The following RBMXL1 variants were observed in gnomAD, a reference collection of about 807,000 sequenced individuals.
RBMXL1 encodes the protein RBMX like 1.
In RBMXL1, 18 loss-of-function variants were observed where a neutral mutation model predicts 29.0. The ratio of observed to expected loss-of-function variants is 0.62; its 90% CI spans 0.43 to 0.92. The LOEUF is 0.92. RBMXL1 is among the 40% of genes least tolerant of loss of function. RBMXL1 has a pLI of 0.00. For missense variants in RBMXL1, 403 were observed against 495.8 expected, an observed-to-expected ratio of 0.81 and a Z score of 1.78; for synonymous variants, 141 against 170.4, an observed-to-expected ratio of 0.83 and a Z score of 1.34.
At chr1:88,990,375 C>A (rs2101105909) in intron 1 of RBMXL1, among the ~76,000 whole-genome samples, 2 of 152,334 alleles carry the variant, frequency 1.3e-5, no homozygotes, top group South Asian at 4.1e-4. Flanking sequence ...ATCTACGCTC[C>A]TCAACCCAGT....
Position 88,981,191 on chromosome 1 carries a change from G to A in RBMXL1, c.*1463C>T, listed in dbSNP as rs1432402597. Reference sequence around the variant, plus strand: ...GTGTGTTTGCCATCTTAGCATGGTTGTTACTTTCCAGATGTCACTCATAAG... The same window carrying A: ...GTGTGTTTGCCATCTTAGCATGGTTATTACTTTCCAGATGTCACTCATAAG... On this transcript the variant is annotated 3_prime_UTR_variant, in exon 3 of 3. Coordinates refer to ENST00000652648, the MANE Select transcript of RBMXL1 (RefSeq NM_001162536.3). 6.6e-6 allele frequency: 1 copy of A among 152,166 alleles called. No individual in the cohort carries two copies. The highest frequency in any genetic ancestry group is 1.9e-4 in the East Asian group (1 of 5,206). 9.4% of individuals were successfully genotyped at this position (152,166 alleles called of 1,614,324 possible).
At chr1:88,987,760 A>G (rs1200745837) in intron 2 of RBMXL1, among the ~76,000 whole-genome samples, 2 of 152,206 alleles carry the variant, frequency 1.3e-5, no homozygotes, top group Non-Finnish European at 1.5e-5. Context: ...CTGCAATTTC[A>G]TTACCACACC....
Position 88,983,273 on chromosome 1 carries a change from C to A in RBMXL1, c.554G>T (p.Arg185Leu), listed in dbSNP as rs753907563. The A allele has an allele frequency of 2.5e-6, 4 of 1,613,666 alleles. No individual in the cohort carries two copies. The Admixed American group carries it at 6.7e-5, about 27-fold the overall frequency. ...TGGACCTCCATAACTATCTCTTCCACGTGATAGAGGAGCTCTTCCTCCCAT... is the reference window on the plus strand; with the variant it reads ...TGGACCTCCATAACTATCTCTTCCAAGTGATAGAGGAGCTCTTCCTCCCAT... ...SGMGGRAPLS[R>L]GRDSYGGPPR... Residue 185 changes from arginine (R) to leucine (L), a missense_variant, in exon 3 of 3, where the codon CGT (arginine) becomes CTT (leucine). Transcript: ENST00000652648.
intron 2 of RBMXL1, among the ~76,000 whole-genome samples, chr1:88,986,091 G>C (rs964316254): frequency 1.3e-5 from 2 of 151,826 alleles, no homozygotes; most frequent in Non-Finnish European, 2.9e-5. Context: ...TGAGGCAGGA[G>C]AATTGCTTGA....
chr1:88,986,313 T>TA (rs1362947645), intron 2 of RBMXL1, among the ~76,000 whole-genome samples: 67 of 141,856 alleles, frequency 4.7e-4, no homozygotes, highest in Middle Eastern at 3.8e-3. Flanking sequence ...TAGACTCTCT[T>TA]AAAAAAAAAA....
At chr1:88,991,977 C>T (rs972441292) in intron 1 of RBMXL1, among the ~76,000 whole-genome samples, 12 of 83,044 alleles carry the variant, frequency 1.4e-4, no homozygotes, top group East Asian at 3.5e-4. Context: ...CCTTGGTATT[C>T]TTTTGGTTTT....
At position 88,982,929 on chromosome 1, in the gene RBMXL1, G is replaced by A; in HGVS notation, c.898C>T (p.Pro300Ser). ...CTGCTTCCACCATAAGATGGCGGGGGCCCTCGTGTAAGTGGAGCACTACGT... is the reference window on the plus strand; with the variant it reads ...CTGCTTCCACCATAAGATGGCGGGGACCCTCGTGTAAGTGGAGCACTACGT... ...NSRSAPLTRG[P>S]PPSYGGSSRY... The change falls in exon 3 of 3, where the codon CCC becomes TCC. Residue 300 changes from proline (P) to serine (S), a missense_variant. Physicochemically the swap from Pro to Ser is moderately conservative, Grantham distance 74. Transcript: ENST00000652648. 1 of 1,613,980 alleles carries A rather than the reference G, an allele frequency of 6.2e-7. No homozygotes were observed. The highest frequency in any genetic ancestry group is 8.5e-7 in the Non-Finnish European group (1 of 1,179,886).
At position 88,983,064 on chromosome 1, in the gene RBMXL1, A is replaced by T. The variant is rs749896696; in HGVS notation, c.763T>A (p.Tyr255Asn). Residue 255 changes from tyrosine to asparagine, a missense_variant, in exon 3 of 3, where the codon TAT becomes AAT. Transcript: ENST00000652648. ...DYGHSSSRDD[Y>N]PSRGYGDRDG... ...CTATCGCCATAGCCTCTTGATGGAT[A>T]GTCATCACGTGAACTGGAATGACCA... The T allele has an allele frequency of 6.2e-7, 1 of 1,612,562 alleles. No individual in the cohort carries two copies. The highest frequency in any genetic ancestry group is 1.1e-5 in the South Asian group (1 of 91,004).
intron 1 of RBMXL1, among the ~76,000 whole-genome samples, chr1:88,991,264 C>T (rs755791336): frequency 2.6e-5 from 4 of 152,162 alleles, no homozygotes; most frequent in Non-Finnish European, 4.4e-5. Flanking sequence ...TCCTAAGAAA[C>T]TTAAAGCTCT....
chr1:88,985,869 G>A (rs973625680), intron 2 of RBMXL1, among the ~76,000 whole-genome samples: 1 of 152,148 alleles, frequency 6.6e-6, no homozygotes, highest in Non-Finnish European at 1.5e-5. Flanking sequence ...TGTACAAAAG[G>A]TGATACTTTC....
chr1:88,983,956 T>C lies in RBMXL1; in HGVS notation c.-130A>G. On this transcript the variant is annotated 5_prime_UTR_variant, in exon 3 of 3. Transcript: ENST00000652648. ...TAGGAGGACTGAACCGCGAAGCCGC[T>C]AGCACTACTGCGCAATCTGGATGCT... is the stretch of plus-strand genomic sequence containing the variant. 2.0e-6 allele frequency: 2 copies of C among 1,023,232 alleles called. No homozygotes were observed. Among genetic ancestry groups the C allele is most frequent in the Non-Finnish European group, 3.0e-6 (2 of 665,238 alleles). The allele number at this position is 1,023,232 out of a possible 1,614,324, so 63.4% of individuals were successfully genotyped here.
chr1:88,984,203 G>GTTTTTTTT, intron 2 of RBMXL1, 137 bp from the exon 3 acceptor site: 1 of 98,282 alleles, frequency 1.0e-5, no homozygotes, highest in Non-Finnish European at 2.2e-5. Flanking sequence ...TTTTTTTGTT[G>GTTTTTTTT]CTTTTTTTTT....
chr1:88,992,086 T>G (rs894217267), intron 1 of RBMXL1, among the ~76,000 whole-genome samples: 1 of 151,128 alleles, frequency 6.6e-6, no homozygotes, highest in African/African-American at 2.4e-5. Context: ...TCACGCCATT[T>G]TCCTGCCTCA....
rs1676993404 is a variant in RBMXL1 at position 88,979,893 on chromosome 1, G to A, written c.*2761C>T. On this transcript the variant is annotated 3_prime_UTR_variant, in exon 3 of 3. Coordinates refer to ENST00000652648, the MANE Select transcript of RBMXL1 (RefSeq NM_001162536.3). The stretch of plus-strand genomic sequence containing the variant: ...AATGTTCCTAACAGTTTTATTCACA[G>A]TAGCCCCAAACTGGAAACAATCCCA... The A allele has an allele frequency of 1.3e-5, 2 of 152,146 alleles. No individual in the cohort carries two copies. The highest frequency in any genetic ancestry group is 2.9e-5 in the Non-Finnish European group (2 of 68,034). 9.4% of individuals were successfully genotyped at this position (152,146 alleles called of 1,614,324 possible).
At chr1:88,989,038 G>A (rs1349641452) in intron 1 of RBMXL1, among the ~76,000 whole-genome samples, 1 of 152,150 alleles carries the variant, frequency 6.6e-6, no homozygotes, top group Non-Finnish European at 1.5e-5. Flanking sequence ...TTACAATACT[G>A]CCACTTAGAA....
chr1:88,991,520 C>A (rs1156815755), intron 1 of RBMXL1, among the ~76,000 whole-genome samples: 1 of 152,216 alleles, frequency 6.6e-6, no homozygotes, highest in Non-Finnish European at 1.5e-5. Flanking sequence ...ATAAGGTTCA[C>A]CGATACAACA....
chr1:88,988,193 T>C (rs2101099435), intron 2 of RBMXL1, 59 bp downstream of exon 2: 1 of 1,074,426 alleles, frequency 9.3e-7, no homozygotes, highest in Non-Finnish European at 1.4e-6. Flanking sequence ...AAAAATTACA[T>C]ATTTTTTGGA....
chr1:88,983,238 C>A lies in RBMXL1; in HGVS notation c.589G>T (p.Glu197Ter). 1 of 1,613,394 alleles carries A rather than the reference C, an allele frequency of 6.2e-7. No individual in the cohort carries two copies. The highest frequency in any genetic ancestry group is 8.5e-7 in the Non-Finnish European group (1 of 1,179,946). Residue 197 changes from glutamate to a stop codon, truncating the protein, a stop_gained, in exon 3 of 3, where the codon GAA (glutamate) becomes TAA (stop). Transcript: ENST00000652648. LOFTEE classifies it high-confidence loss of function. ...ACATCTCTACGAGAGGGGAGCGGTT[C>A]CCTTCGAGGTGGACCTCCATAACTA... ...RDSYGGPPRR[E>*]PLPSRRDVYL...
chr1:88,985,259 T>A (rs1310434564), intron 2 of RBMXL1, among the ~76,000 whole-genome samples: 2 of 152,186 alleles, frequency 1.3e-5, no homozygotes, highest in Non-Finnish European at 2.9e-5. Flanking sequence ...TCCTCACCCA[T>A]ATCAATAGGC....
Sources: gnomAD v4.1 joint callset for allele counts (sites outside exome capture counted in the v4.1 genomes callset) on GRCh38, gnomAD v4.1.1 for gene constraint, MANE v1.5 for transcripts, NCBI Gene and HGNC (gene_info 2026-07-23, HGNC 2026-07-21) for gene names.